PDILT: variants seen among roughly 807,000 people sequenced by gnomAD.
PDILT encodes protein disulfide-isomerase-like protein of the testis.
Under a neutral mutation model 53.7 loss-of-function variants are expected in PDILT, and 43 were observed. The ratio of observed to expected loss-of-function variants is 0.80; its 90% CI spans 0.63 to 1.03. The LOEUF (loss-of-function observed/expected upper bound fraction) is 1.03, where lower values mean the gene tolerates loss of function less well. Among genes scored for constraint, PDILT ranks in the 50% least tolerant of loss-of-function variants. The pLI, the probability that PDILT is intolerant of heterozygous loss-of-function variation, is 0.00. For missense variants in PDILT, 727 were observed against 712.3 expected (o/e 1.02, Z -0.24); for synonymous variants, 282 against 274.2 (o/e 1.03, Z -0.28).
At chr16:20,392,820 T>C (rs963754007) in intron 2 of PDILT, among the ~76,000 whole-genome samples, 4 of 152,320 alleles carry the variant, frequency 2.6e-5, no homozygotes, top group Middle Eastern at 3.4e-3. Flanking sequence ...CTCTGTAGCC[T>C]CAGATTTAGT....
At chr16:20,389,128 A>G (rs1966575577) in intron 2 of PDILT, among the ~76,000 whole-genome samples, 1 of 152,142 alleles carries the variant, frequency 6.6e-6, no homozygotes, top group Admixed American at 6.5e-5. Context: ...GTAGATAGGC[A>G]GAGGCCAAGG....
At chr16:20,391,876 G>A (rs904354226) in intron 2 of PDILT, among the ~76,000 whole-genome samples, 17 of 151,778 alleles carry the variant, frequency 1.1e-4, no homozygotes, top group Non-Finnish European at 2.4e-4. Flanking sequence ...CACAATCCAG[G>A]TGAAGGAGTG....
At chr16:20,391,562 G>A (rs1260120323) in intron 2 of PDILT, among the ~76,000 whole-genome samples, 2 of 152,052 alleles carry the variant, frequency 1.3e-5, no homozygotes, top group African/African-American at 4.8e-5. Flanking sequence ...ATTCATTCAA[G>A]TTAATGTGGA....
intron 2 of PDILT, among the ~76,000 whole-genome samples, chr16:20,387,397 G>A (rs1412868245): frequency 2.0e-5 from 3 of 152,146 alleles, no homozygotes; most frequent in African/African-American, 7.2e-5. Context: ...CCTGGTAAAG[G>A]GCCAGTGTAT....
At chr16:20,399,721 C>T (rs192446030) in intron 1 of PDILT, among the ~76,000 whole-genome samples, 44 of 138,964 alleles carry the variant, frequency 3.2e-4, no homozygotes, top group African/African-American at 1.1e-3. Context: ...GCCTACAATG[C>T]CCCCACTTCA....
rs778944949 is a variant in PDILT at position 20,365,380 on chromosome 16, T to C, written c.1237+40A>G. 4.4e-6 allele frequency: 7 copies of C among 1,605,272 alleles called. No homozygotes were observed. In the East Asian group the frequency reaches 6.7e-5, roughly 15 times the overall value. ...AGGAGAAACACTTGAAACATAATTT[T>C]GGCACCCGTTGCCTCAGAACCCCTC... On this transcript the variant is annotated intron_variant, in intron 9 of 11. Coordinates refer to ENST00000302451, the MANE Select transcript of PDILT (RefSeq NM_174924.2).
chr16:20,401,254 C>T (rs888844334), intron 1 of PDILT, among the ~76,000 whole-genome samples: 2 of 152,190 alleles, frequency 1.3e-5, no homozygotes, highest in East Asian at 1.9e-4. Context: ...CTTATCAGCC[C>T]GGACTAAGTC....
At chr16:20,359,937 T>G (rs1374065134) in intron 11 of PDILT, among the ~76,000 whole-genome samples, 4 of 152,192 alleles carry the variant, frequency 2.6e-5, no homozygotes, top group Non-Finnish European at 5.9e-5. Context: ...GATGCTTGCT[T>G]TCTAAACTGG....
chr16:20,366,070 A>G (rs1352383550), intron 8 of PDILT, among the ~76,000 whole-genome samples: 2 of 149,070 alleles, frequency 1.3e-5, no homozygotes, highest in Non-Finnish European at 3.0e-5. Context: ...AGGCTGGTTG[A>G]CAGAGCAAGA....
intron 1 of PDILT, among the ~76,000 whole-genome samples, chr16:20,401,029 A>G (rs986691357): frequency 5.9e-5 from 9 of 152,198 alleles, no homozygotes. Context: ...TAAATCTATC[A>G]TTCAGTTTGT....
At chr16:20,363,565 C>T (rs950855874) in intron 9 of PDILT, among the ~76,000 whole-genome samples, 3 of 152,026 alleles carry the variant, frequency 2.0e-5, no homozygotes, top group South Asian at 2.1e-4. Flanking sequence ...CAAAGCTATG[C>T]AGTAATTGCA....
chr16:20,401,496 T>A (rs1033515146), intron 1 of PDILT, among the ~76,000 whole-genome samples: 7 of 152,130 alleles, frequency 4.6e-5, no homozygotes, highest in African/African-American at 1.4e-4. Context: ...CCCAGAACCG[T>A]CCTAGGCCTG....
intron 2 of PDILT, among the ~76,000 whole-genome samples, chr16:20,396,790 A>G (rs1464636307): frequency 6.6e-6 from 1 of 152,206 alleles, no homozygotes; most frequent in East Asian, 1.9e-4. Context: ...TAAACTGTAA[A>G]GTCCTTGAGA....
chr16:20,399,070 C>T (rs1431624631), intron 2 of PDILT, 29 bp downstream of exon 2: 1 of 1,613,410 alleles, frequency 6.2e-7, no homozygotes, highest in Non-Finnish European at 8.5e-7. Context: ...TCCCATCTAT[C>T]ATCCATCACC....
Position 20,369,637 on chromosome 16 carries a change from T to C in PDILT, c.971A>G (p.Lys324Arg). The C allele has an allele frequency of 6.2e-7, 1 of 1,614,220 alleles. No homozygotes were observed. The highest frequency in any genetic ancestry group is 8.5e-7 in the Non-Finnish European group (1 of 1,180,034). ...ATCGACCTCTGTGACCCGGAAGTAC[T>C]TGAAGACACGTCCATTTCTGGGTTC... is the stretch of plus-strand genomic sequence containing the variant. ...ADEPRNGRVF[K>R]YFRVTEVDIP... Residue 324 changes from lysine to arginine, a missense_variant, in exon 8 of 12, where the codon AAG becomes AGG. Transcript: ENST00000302451.
At chr16:20,402,362 G>A (rs1434339586) in intron 1 of PDILT, among the ~76,000 whole-genome samples, 2 of 149,580 alleles carry the variant, frequency 1.3e-5, no homozygotes, top group Non-Finnish European at 1.5e-5. Flanking sequence ...GCAGTGGCGC[G>A]ATCTCGGCTC....
chr16:20,396,852 A>G (rs1047833219), intron 2 of PDILT, among the ~76,000 whole-genome samples: 3 of 152,132 alleles, frequency 2.0e-5, no homozygotes, highest in South Asian at 2.1e-4. Context: ...ATTGAGCTGC[A>G]TAAGTGTGGG....
chr16:20,372,009 AT>A (rs959935575), intron 7 of PDILT, among the ~76,000 whole-genome samples: 53 of 152,192 alleles, frequency 3.5e-4, no homozygotes, highest in African/African-American at 1.3e-3. Context: ...TTTCAGATTA[AT>A]TTTTTTAAAA....
In PDILT at chr16:20,379,906, T is replaced by C. The variant is rs528006032; in HGVS notation, c.410-3705A>G. On this transcript the variant is annotated intron_variant, in intron 3 of 11. Coordinates refer to ENST00000302451, the MANE Select transcript of PDILT (RefSeq NM_174924.2). ...TCCTCTGAGATATCAGCCTCAACACTGAGTTTCTGTACAGTGTTTCCAGCC... is the reference window on the plus strand; with the variant it reads ...TCCTCTGAGATATCAGCCTCAACACCGAGTTTCTGTACAGTGTTTCCAGCC... 7.9e-5 allele frequency among the ~76,000 whole-genome samples: 12 copies of C among 152,294 alleles called. No individual in the cohort carries two copies. The South Asian group carries it at 2.5e-3, about 32-fold the overall frequency.
Sources: allele counts gnomAD v4.1 joint callset (sites outside exome capture counted in the v4.1 genomes callset), GRCh38; gene constraint gnomAD v4.1.1; transcripts MANE v1.5; gene names NCBI Gene and HGNC (gene_info 2026-07-23, HGNC 2026-07-21).